Variants in EPHB1 observed in about 807,000 individuals in gnomAD.
EPHB1 encodes the protein EPH receptor B1.
Under a neutral mutation model 94.4 loss-of-function variants are expected in EPHB1, and 30 were observed. That is an observed-to-expected ratio of 0.32 (90% confidence interval 0.24 to 0.43). The LOEUF is 0.43. Ranked by LOEUF, EPHB1 falls within the 20% of genes least tolerant of loss-of-function variation. The probability of loss-of-function intolerance (pLI) is 1.00; values close to 1 mark genes in which losing one functional copy is unlikely to be tolerated. For missense variants in EPHB1, 1,055 were observed against 1,308.3 expected (o/e 0.81, Z 2.99); for synonymous variants, 522 against 489.1 (o/e 1.07, Z -0.89).
At chr3:134,925,599 T>A (rs987118702) in intron 1 of EPHB1, among the ~76,000 whole-genome samples, 5 of 152,130 alleles carry the variant, frequency 3.3e-5, no homozygotes, top group Admixed American at 3.3e-4. Flanking sequence ...ACGTGAAGTC[T>A]GTATCCAACT....
intron 3 of EPHB1, among the ~76,000 whole-genome samples, chr3:134,990,060 T>C (rs1576298773): frequency 6.6e-6 from 1 of 152,338 alleles, no homozygotes; most frequent in East Asian, 1.9e-4. Context: ...TCTTGGTTGC[T>C]TTATCACAAT....
intron 7 of EPHB1, among the ~76,000 whole-genome samples, chr3:135,164,806 C>CAAAAAA (rs59870139): frequency 3.5e-5 from 3 of 86,408 alleles, no homozygotes; most frequent in Admixed American, 1.4e-4. Flanking sequence ...AAGACTGTCT[C>CAAAAAA]AAAAAAAAAA....
intron 15 of EPHB1, among the ~76,000 whole-genome samples, chr3:135,250,778 T>C (rs1408300960): frequency 6.6e-6 from 1 of 152,130 alleles, no homozygotes; most frequent in Non-Finnish European, 1.5e-5. Context: ...ATAGCACATA[T>C]TGTGGGATCT....
At chr3:134,859,274 G>A (rs2037192432) in intron 1 of EPHB1, among the ~76,000 whole-genome samples, 3 of 152,098 alleles carry the variant, frequency 2.0e-5, no homozygotes, top group East Asian at 1.9e-4. Context: ...GTGACCGACC[G>A]GCAGAGAAGA....
intron 3 of EPHB1, among the ~76,000 whole-genome samples, chr3:135,036,779 GAAACCCA>G (rs1412388095): frequency 6.6e-6 from 1 of 152,180 alleles, no homozygotes; most frequent in African/African-American, 2.4e-5. Context: ...GCTAGGTCAG[GAAACCCA>G]AATATGGAAG....
intron 12 of EPHB1, among the ~76,000 whole-genome samples, chr3:135,220,275 A>C (rs1943245166): frequency 6.6e-6 from 1 of 152,116 alleles, no homozygotes; most frequent in Admixed American, 6.5e-5. Context: ...GCGGATGCTC[A>C]CCCCGCAGGC....
chr3:134,815,394 G>A (rs1030879878), intron 1 of EPHB1, among the ~76,000 whole-genome samples: 2 of 151,588 alleles, frequency 1.3e-5, no homozygotes, highest in African/African-American at 4.8e-5. Flanking sequence ...TATAATAAAT[G>A]TGTATATAAT....
chr3:135,068,208 T>C (rs1937609263), intron 3 of EPHB1, among the ~76,000 whole-genome samples: 1 of 152,106 alleles, frequency 6.6e-6, no homozygotes, highest in African/African-American at 2.4e-5. Flanking sequence ...AGAGCTGCGA[T>C]CTAGCCCTGC....
intron 3 of EPHB1, among the ~76,000 whole-genome samples, chr3:134,973,800 T>C (rs932586974): frequency 3.3e-5 from 5 of 152,098 alleles, no homozygotes; most frequent in African/African-American, 1.2e-4. Context: ...AGGAGTGGGA[T>C]AGGGTAGGGC....
At chr3:135,250,919 A>C (rs1933059181) in intron 15 of EPHB1, among the ~76,000 whole-genome samples, 1 of 152,154 alleles carries the variant, frequency 6.6e-6, no homozygotes, top group Admixed American at 6.5e-5. Flanking sequence ...AGCTGGGACA[A>C]ACCGGTTGCT....
intron 12 of EPHB1, among the ~76,000 whole-genome samples, chr3:135,204,831 T>A (rs1440127673): frequency 6.6e-6 from 1 of 151,618 alleles, no homozygotes; most frequent in Non-Finnish European, 1.5e-5. Flanking sequence ...ATAATTGAAT[T>A]ATTGTTGACT....
intron 9 of EPHB1, among the ~76,000 whole-genome samples, chr3:135,173,035 CTT>C (rs1325117108): frequency 5.5e-4 from 75 of 136,746 alleles, no homozygotes; most frequent in African/African-American, 8.4e-4. Flanking sequence ...GAAATAGTTT[CTT>C]TTTTTTTTTT....
In EPHB1 at chr3:134,909,377, C is replaced by T. The variant is rs564659084; in HGVS notation, c.59-16439C>T. 4.6e-5 allele frequency among the ~76,000 whole-genome samples: 7 copies of T among 152,302 alleles called. No individual in the cohort carries two copies. The South Asian group carries it at 1.5e-3, about 32-fold the overall frequency. ...TAAGTGCCTCATCTTTGGAGGTGAG[C>T]AAGCGGAGACTGCGTGACCACCTGG... On this transcript the variant is annotated intron_variant, in intron 1 of 15. Coordinates refer to ENST00000398015, the MANE Select transcript of EPHB1 (RefSeq NM_004441.5).
chr3:134,943,326 T>C (rs756081975), intron 2 of EPHB1, among the ~76,000 whole-genome samples: 16 of 152,216 alleles, frequency 1.1e-4, no homozygotes, highest in Non-Finnish European at 2.4e-4. Flanking sequence ...GGCTCTGTTG[T>C]CCAGTTATGA....
chr3:134,976,391 G>A (rs1046549859), intron 3 of EPHB1, among the ~76,000 whole-genome samples: 2 of 152,198 alleles, frequency 1.3e-5, no homozygotes, highest in African/African-American at 4.8e-5. Context: ...CACTGGGCAG[G>A]GTCAATTCAC....
At chr3:134,987,358 C>T (rs760337099) in intron 3 of EPHB1, among the ~76,000 whole-genome samples, 30 of 152,096 alleles carry the variant, frequency 2.0e-4, no homozygotes, top group Non-Finnish European at 3.4e-4. Context: ...GGTTATAAAA[C>T]CTTTAAGGAG....
rs538428222 is a variant in EPHB1 at position 135,047,423 on chromosome 3, C to T, written c.806-59025C>T. 1.3e-4 allele frequency among the ~76,000 whole-genome samples: 20 copies of T among 152,292 alleles called. No individual in the cohort carries two copies. In the South Asian group the frequency reaches 3.3e-3, roughly 25 times the overall value. On this transcript the variant is annotated intron_variant, in intron 3 of 15. Coordinates refer to ENST00000398015, the MANE Select transcript of EPHB1 (RefSeq NM_004441.5). ...CCTGGCTTCTCAGAGGACCCATTCC[C>T]GTGACCCTGTTAAAGGTCCATTGGC...
intron 9 of EPHB1, among the ~76,000 whole-genome samples, chr3:135,171,659 T>C (rs1458672277): frequency 6.6e-6 from 1 of 152,192 alleles, no homozygotes; most frequent in African/African-American, 2.4e-5. Flanking sequence ...TTGCTGTTTA[T>C]TTGTGTGAAA....
intron 12 of EPHB1, among the ~76,000 whole-genome samples, chr3:135,205,802 G>A (rs968322390): frequency 6.6e-6 from 1 of 152,106 alleles, no homozygotes; most frequent in South Asian, 2.1e-4. Flanking sequence ...GTGATTTGCA[G>A]ACATCATTAC....
Sources: gnomAD v4.1 joint callset for allele counts (sites outside exome capture counted in the v4.1 genomes callset) on GRCh38, gnomAD v4.1.1 for gene constraint, MANE v1.5 for transcripts, NCBI Gene and HGNC (gene_info 2026-07-23, HGNC 2026-07-21) for gene names.